The following SPTBN1 variants were observed in gnomAD, a reference collection of about 807,000 sequenced individuals.
SPTBN1 encodes spectrin beta chain, non-erythrocytic 1.
Under a neutral mutation model 266.4 loss-of-function variants are expected in SPTBN1, and 32 were observed. The observed-to-expected ratio is 0.12, with a 90% CI of 0.09 to 0.16. The LOEUF is 0.16. Among genes scored for constraint, SPTBN1 ranks in the 10% least tolerant of loss-of-function variants. The probability of loss-of-function intolerance (pLI) is 1.00; values close to 1 mark genes in which losing one functional copy is unlikely to be tolerated. For synonymous variants in SPTBN1, 1,336 were observed against 1,162.2 expected (o/e 1.15, Z -3.04); for missense variants, 2,296 against 3,067.1 (o/e 0.75, Z 5.94).
intron 4 of SPTBN1, 128 bp downstream of exon 4, chr2:54,612,462 T>C: frequency 5.5e-6 from 6 of 1,094,006 alleles, no homozygotes; most frequent in Non-Finnish European, 7.6e-6. Context: ...CTCAGAGTCA[T>C]GTGTGTCATA....
chr2:54,587,388 G>A (rs1369598799), intron 2 of SPTBN1, among the ~76,000 whole-genome samples: 5 of 152,128 alleles, frequency 3.3e-5, no homozygotes, highest in East Asian at 3.8e-4. Flanking sequence ...TGCCTGTTAC[G>A]GTTGGTGCGC....
At chr2:54,592,816 G>T (rs1301442887) in intron 2 of SPTBN1, among the ~76,000 whole-genome samples, 1 of 151,966 alleles carries the variant, frequency 6.6e-6, no homozygotes, top group Admixed American at 6.6e-5. Context: ...AATCCCTCTT[G>T]CCTGGCTGGA....
At chr2:54,497,205 G>A (rs548244813) in intron 1 of SPTBN1, among the ~76,000 whole-genome samples, 3 of 152,160 alleles carry the variant, frequency 2.0e-5, no homozygotes, top group Non-Finnish European at 2.9e-5. Flanking sequence ...ACTGTCTTGG[G>A]TTCTCTGAAA....
At chr2:54,614,146 G>C (rs1178588544) in intron 4 of SPTBN1, among the ~76,000 whole-genome samples, 1 of 152,174 alleles carries the variant, frequency 6.6e-6, no homozygotes, top group Non-Finnish European at 1.5e-5. Context: ...CGCGTGGCCT[G>C]CAGTGTTGTT....
chr2:54,624,761 C>A (rs1380643995), intron 10 of SPTBN1, 43 bp from the exon 11 acceptor site: 1 of 1,611,468 alleles, frequency 6.2e-7, no homozygotes, highest in Non-Finnish European at 8.5e-7. Context: ...TTGAACACTG[C>A]AGGAAACTGT....
intron 2 of SPTBN1, among the ~76,000 whole-genome samples, chr2:54,571,188 G>A (rs1363079127): frequency 6.6e-6 from 1 of 152,052 alleles, no homozygotes; most frequent in East Asian, 1.9e-4. Flanking sequence ...GTGGTTTGGC[G>A]TGCCTGTCAA....
Position 54,646,166 on chromosome 2 carries a change from C to T in SPTBN1, c.4585-28C>T, listed in dbSNP as rs769842814. ...AGCAGACGGCTGCCATTTAGCAAGCCTTTGTGTGTATTTTCCGCTCCCTCC... is the reference window on the plus strand; with the variant it reads ...AGCAGACGGCTGCCATTTAGCAAGCTTTTGTGTGTATTTTCCGCTCCCTCC... On this transcript the variant is annotated intron_variant, in intron 22 of 35. Transcript: ENST00000356805. The surrounding 1 kb of genome is among the most constrained non-coding windows in gnomAD (Gnocchi z 4.4). The T allele has an allele frequency of 1.9e-6, 3 of 1,595,418 alleles. No homozygotes were observed. The South Asian group carries it at 3.4e-5, about 18-fold the overall frequency.
chr2:54,558,905 G>A lies in SPTBN1; in HGVS notation c.148+32339G>A, dbSNP rs2104460674. 1 of 1,611,406 alleles carries A rather than the reference G, an allele frequency of 6.2e-7. No homozygotes were observed. Among genetic ancestry groups the A allele is most frequent in the Non-Finnish European group, 8.5e-7 (1 of 1,178,492 alleles). ...GCTGCAAGGTAAGCCCCCTCCCAAA[G>A]GCCGGGCCTGTCCTGGGTGCCAACG... is the stretch of plus-strand genomic sequence containing the variant. On this transcript the variant is annotated intron_variant, in intron 2 of 35. Transcript: ENST00000356805. This position sits in a 1 kb window ranked among gnomAD's most constrained non-coding sequence, Gnocchi z 4.6.
intron 1 of SPTBN1, among the ~76,000 whole-genome samples, chr2:54,525,796 T>C (rs930556710): frequency 1.3e-5 from 2 of 152,218 alleles, no homozygotes; most frequent in African/African-American, 4.8e-5. Flanking sequence ...AATGGCACGA[T>C]ATCGGCTCAC....
intron 1 of SPTBN1, among the ~76,000 whole-genome samples, chr2:54,462,168 G>C (rs866777920): frequency 6.6e-6 from 1 of 152,182 alleles, no homozygotes; most frequent in African/African-American, 2.4e-5. Context: ...GCAGTGTACA[G>C]TTCCAGGCAC....
intron 1 of SPTBN1, among the ~76,000 whole-genome samples, chr2:54,516,517 C>T (rs1379557422): frequency 6.6e-6 from 1 of 152,100 alleles, no homozygotes; most frequent in Non-Finnish European, 1.5e-5. Context: ...CTTGGGGCCC[C>T]AGTTTCCATA....
chr2:54,568,209 C>T (rs1406496844), intron 2 of SPTBN1, among the ~76,000 whole-genome samples: 2 of 151,812 alleles, frequency 1.3e-5, no homozygotes, highest in Admixed American at 6.6e-5. Context: ...GGTGAAACTC[C>T]GTCTCTACTA....
intron 2 of SPTBN1, among the ~76,000 whole-genome samples, chr2:54,591,152 T>G (rs1404680960): frequency 6.6e-6 from 1 of 152,220 alleles, no homozygotes; most frequent in Non-Finnish European, 1.5e-5. Flanking sequence ...TCTAGTTCAT[T>G]GAGGGTAAGA....
chr2:54,559,410 G>C (rs996156331), intron 2 of SPTBN1, among the ~76,000 whole-genome samples: 23 of 152,180 alleles, frequency 1.5e-4, no homozygotes, highest in African/African-American at 5.3e-4. Flanking sequence ...GATGTGTTGG[G>C]AAGAGCCTTC....
At chr2:54,632,347 G>T (rs1678808119) in intron 16 of SPTBN1, among the ~76,000 whole-genome samples, 1 of 151,644 alleles carries the variant, frequency 6.6e-6, no homozygotes, top group South Asian at 2.1e-4. Flanking sequence ...CACTCTCTTT[G>T]GAAAAAAAAA....
At chr2:54,505,565 A>T (rs1669510652) in intron 1 of SPTBN1, among the ~76,000 whole-genome samples, 1 of 152,018 alleles carries the variant, frequency 6.6e-6, no homozygotes, top group Non-Finnish European at 1.5e-5. Flanking sequence ...AAGGCTCCTG[A>T]AGCTGCCTGC....
Position 54,629,654 on chromosome 2 carries a change from G to A in SPTBN1, c.2520G>A (p.Leu840=). The A allele has an allele frequency of 6.2e-7, 1 of 1,613,876 alleles. No individual in the cohort carries two copies. The highest frequency in any genetic ancestry group is 8.5e-7 in the Non-Finnish European group (1 of 1,179,958). The change falls in exon 14 of 36, where the codon CTG becomes CTA. Residue 840 remains leucine (L), a synonymous_variant. Coordinates refer to ENST00000356805, the MANE Select transcript of SPTBN1 (RefSeq NM_003128.3). The stretch of plus-strand genomic sequence containing the variant: ...AGGAGGTGGCAGAGCTGACGCGGCT[G>A]CGGAAGCAGGCACTCCAGGACACTC... The part of the protein sequence containing the change: ...RYKEVAELTR[L]RKQALQDTLA...
Position 54,629,587 on chromosome 2 carries a change from C to T in SPTBN1, c.2453C>T (p.Pro818Leu), listed in dbSNP as rs1380905593. Residue 818 changes from proline (P) to leucine (L), a missense_variant, in exon 14 of 36, where the codon CCA becomes CTA. Coordinates refer to ENST00000356805, the MANE Select transcript of SPTBN1 (RefSeq NM_003128.3). ...CTCCCCCAGGAGCATGCCGAGTCTC[C>T]AGACGTGAGGGGCAGGCTGTCGGGC... ...SALPQEHAES[P>L]DVRGRLSGIE... 2 of 1,613,950 alleles carry T rather than the reference C, an allele frequency of 1.2e-6. No homozygotes were observed. The highest frequency in any genetic ancestry group is 1.7e-6 in the Non-Finnish European group (2 of 1,180,038).
At position 54,645,066 on chromosome 2, in the gene SPTBN1, A is replaced by G. The variant is rs1470499089; in HGVS notation, c.4270-163A>G. The G allele has an allele frequency of 6.2e-6, 4 of 648,106 alleles. No individual in the cohort carries two copies. The highest frequency in any genetic ancestry group is 3.6e-5 in the African/African-American group (2 of 54,840). 40.1% of individuals were successfully genotyped at this position (648,106 alleles called of 1,614,324 possible). Reference sequence around the variant, plus strand: ...ATTTACCTCAGATTTACTTGAAAACAGTTCCATTGATGTTGAAAAGCAAGT... The same window carrying G: ...ATTTACCTCAGATTTACTTGAAAACGGTTCCATTGATGTTGAAAAGCAAGT... On this transcript the variant is annotated intron_variant, in intron 20 of 35. Transcript: ENST00000356805. This position sits in a 1 kb window ranked among gnomAD's most constrained non-coding sequence, Gnocchi z 4.3.
Sources: gnomAD v4.1 joint callset for allele counts (sites outside exome capture counted in the v4.1 genomes callset) on GRCh38, gnomAD v4.1.1 for gene constraint, Gnocchi (gnomAD v3.1) non-coding constraint, MANE v1.5 for transcripts, NCBI Gene and HGNC (gene_info 2026-07-23, HGNC 2026-07-21) for gene names.